Variants in CACNG2 observed in about 807,000 individuals in gnomAD.
The protein encoded by CACNG2 is voltage-dependent calcium channel gamma-2 subunit.
In CACNG2, 3 loss-of-function variants were observed where a neutral mutation model predicts 25.9. That is an observed-to-expected ratio of 0.12 (90% confidence interval 0.05 to 0.30). CACNG2 has a LOEUF of 0.30. CACNG2 is among the 10% of genes least tolerant of loss of function. The probability of loss-of-function intolerance (pLI) is 1.00; values close to 1 mark genes in which losing one functional copy is unlikely to be tolerated. For synonymous variants in CACNG2, 167 were observed against 173.3 expected, an observed-to-expected ratio of 0.96 and a Z score of 0.29; for missense variants, 341 against 432.5, an observed-to-expected ratio of 0.79 and a Z score of 1.88.
chr22:36,593,657 G>C (rs966850805), intron 1 of CACNG2, among the ~76,000 whole-genome samples: 3 of 152,156 alleles, frequency 2.0e-5, no homozygotes, highest in East Asian at 1.9e-4. Context: ...GGGGGAGTTA[G>C]AGATCCAGCC....
chr22:36,564,482 C>G lies in CACNG2; in HGVS notation c.841G>C (p.Ala281Pro), dbSNP rs780421828. ...YTLSRDPLKA[A>P]TTPTATYNSD... ...TTGTAGGTGGCGGTGGGCGTGGTGG[C>G]GGCCTTCAGGGGGTCCCTGCTGAGC... The change falls in exon 4 of 4, where the codon GCC becomes CCC. Residue 281 changes from alanine (A) to proline (P), a missense_variant. This residue lies in a region of CACNG2 where 172 missense variants were observed against 178.1 expected (regional missense o/e 0.97). Coordinates refer to ENST00000300105, the MANE Select transcript of CACNG2 (RefSeq NM_006078.5). The surrounding 1 kb of genome is among the most constrained non-coding windows in gnomAD (Gnocchi z 6.7). 1 of 1,614,042 alleles carries G rather than the reference C, an allele frequency of 6.2e-7. No individual in the cohort carries two copies. The highest frequency in any genetic ancestry group is 2.2e-5 in the East Asian group (1 of 44,872).
chr22:36,580,440 TG>T (rs1935395756), intron 2 of CACNG2, among the ~76,000 whole-genome samples: 1 of 152,076 alleles, frequency 6.6e-6, no homozygotes, highest in Non-Finnish European at 1.5e-5. Flanking sequence ...GTGTGTGTTG[TG>T]GGGAGCTGAG....
intron 1 of CACNG2, among the ~76,000 whole-genome samples, chr22:36,591,409 G>A (rs1226606952): frequency 6.6e-6 from 1 of 152,152 alleles, no homozygotes; most frequent in African/African-American, 2.4e-5. Context: ...GCTGGGGGCA[G>A]TGGCTCAGCC....
chr22:36,561,098 C>T lies in CACNG2; in HGVS notation c.*3253G>A, dbSNP rs528793296. On this transcript the variant is annotated 3_prime_UTR_variant, in exon 4 of 4. Transcript: ENST00000300105. ...TCCTGGCTCCTTCCCTCCGGACCCC[C>T]TAGCCCCTTCTCAGCCATGGCGATG... The T allele has an allele frequency of 1.3e-5, 2 of 152,482 alleles. No individual in the cohort carries two copies. The highest frequency in any genetic ancestry group is 2.9e-5 in the Non-Finnish European group (2 of 68,164). 9.4% of individuals were successfully genotyped at this position (152,482 alleles called of 1,614,324 possible).
At chr22:36,618,474 G>A (rs76798417) in intron 1 of CACNG2, among the ~76,000 whole-genome samples, 5,550 of 152,334 alleles carry the variant, frequency 0.036, 373 homozygotes, top group African/African-American at 0.13. Flanking sequence ...AGCCACCAGG[G>A]CTTACCTTTC....
At chr22:36,646,071 C>G (rs1936519038) in intron 1 of CACNG2, among the ~76,000 whole-genome samples, 1 of 152,066 alleles carries the variant, frequency 6.6e-6, no homozygotes, top group Non-Finnish European at 1.5e-5. Flanking sequence ...GCTCACCCAC[C>G]CCAAAAGCTA....
intron 1 of CACNG2, among the ~76,000 whole-genome samples, chr22:36,628,591 G>T (rs1281594679): frequency 6.6e-6 from 1 of 152,180 alleles, no homozygotes; most frequent in African/African-American, 2.4e-5. Context: ...ACAGGTAGGA[G>T]AAAATGGTCT....
rs577026124 is a variant in CACNG2, at chr22:36,643,688, C to A, written c.212-56140G>T. 3.3e-5 allele frequency among the ~76,000 whole-genome samples: 5 copies of A among 152,288 alleles called. No homozygotes were observed. In the South Asian group the frequency reaches 1.0e-3, roughly 32 times the overall value. The stretch of plus-strand genomic sequence containing the variant: ...GTGTTGCTAATGCTACTCTGTGCAA[C>A]CGAAGCTCCCTGACAGCCAAAGCAG... On this transcript the variant is annotated intron_variant, in intron 1 of 3. Transcript: ENST00000300105.
intron 1 of CACNG2, among the ~76,000 whole-genome samples, chr22:36,636,449 C>T (rs1936359274): frequency 6.6e-6 from 1 of 152,128 alleles, no homozygotes. Flanking sequence ...ACAACCTGGA[C>T]AGGGGGAAAG....
intron 1 of CACNG2, among the ~76,000 whole-genome samples, chr22:36,593,121 C>T (rs545542484): frequency 1.3e-5 from 2 of 152,176 alleles, no homozygotes; most frequent in African/African-American, 2.4e-5. Context: ...TTCTCTCTGC[C>T]CCGCCCAATG....
At chr22:36,581,481 C>A (rs137900197) in intron 2 of CACNG2, among the ~76,000 whole-genome samples, 125 of 152,342 alleles carry the variant, frequency 8.2e-4, no homozygotes, top group African/African-American at 2.9e-3. Context: ...GCCCCACCAT[C>A]CTTTCCACCC....
chr22:36,676,700 A>G (rs1352994990), intron 1 of CACNG2, among the ~76,000 whole-genome samples: 1 of 152,144 alleles, frequency 6.6e-6, no homozygotes, highest in African/African-American at 2.4e-5. Flanking sequence ...TCTGTTTTAC[A>G]GAGGTTTAGA....
At chr22:36,678,601 C>T (rs1279635921) in intron 1 of CACNG2, among the ~76,000 whole-genome samples, 1 of 151,938 alleles carries the variant, frequency 6.6e-6, no homozygotes, top group East Asian at 1.9e-4. Context: ...TTGCCTCCAT[C>T]CTTCCCCCAG....
intron 1 of CACNG2, among the ~76,000 whole-genome samples, chr22:36,700,882 T>C (rs2284017): frequency 0.45 from 67,778 of 152,066 alleles, 16,520 homozygotes; most frequent in Middle Eastern, 0.61. Flanking sequence ...TGAAGTCACT[T>C]AGCTATTCAA....
intron 1 of CACNG2, among the ~76,000 whole-genome samples, chr22:36,662,542 C>T (rs1936814240): frequency 6.6e-6 from 1 of 152,208 alleles, no homozygotes; most frequent in South Asian, 2.1e-4. Flanking sequence ...TTCCCTCTGC[C>T]TGTAAGGTCT....
chr22:36,643,592 T>C (rs957554102), intron 1 of CACNG2, among the ~76,000 whole-genome samples: 1 of 152,060 alleles, frequency 6.6e-6, no homozygotes, highest in South Asian at 2.1e-4. Flanking sequence ...AAGAATATGC[T>C]AATCAGAAGG....
At chr22:36,607,349 G>T (rs1386994265) in intron 1 of CACNG2, among the ~76,000 whole-genome samples, 1 of 152,152 alleles carries the variant, frequency 6.6e-6, no homozygotes, top group Non-Finnish European at 1.5e-5. Flanking sequence ...CCCAGGCTCA[G>T]GTGACAGGTG....
At chr22:36,574,854 T>G (rs1273426449) in intron 2 of CACNG2, among the ~76,000 whole-genome samples, 1 of 151,920 alleles carries the variant, frequency 6.6e-6, no homozygotes, top group South Asian at 2.1e-4. Context: ...GATCAAAGGT[T>G]TGGTTTTGGA....
chr22:36,674,635 T>G (rs1265892785), intron 1 of CACNG2, among the ~76,000 whole-genome samples: 1 of 152,168 alleles, frequency 6.6e-6, no homozygotes, highest in Non-Finnish European at 1.5e-5. Flanking sequence ...GGCCCACACC[T>G]GTTGATAAGG....
Sources: allele counts gnomAD v4.1 joint callset (sites outside exome capture counted in the v4.1 genomes callset), GRCh38; gene constraint gnomAD v4.1.1; regional missense constraint gnomAD v4.1.1; non-coding constraint Gnocchi (gnomAD v3.1); transcripts MANE v1.5; gene names NCBI Gene and HGNC (gene_info 2026-07-23, HGNC 2026-07-21).